CNBD1: variants seen among roughly 807,000 people sequenced by gnomAD.
CNBD1 encodes cyclic nucleotide-binding domain-containing protein 1.
CNBD1 carries 71 observed loss-of-function variants against 54.4 expected under a neutral mutation model. That is an observed-to-expected ratio of 1.30 (90% confidence interval 1.08 to 1.59). CNBD1 has a LOEUF of 1.59. CNBD1 is among the 40% of genes most tolerant of loss of function. The pLI, the probability that CNBD1 is intolerant of heterozygous loss-of-function variation, is 0.00. For synonymous variants in CNBD1, 182 were observed against 170.7 expected, an observed-to-expected ratio of 1.07 and a Z score of -0.51; for missense variants, 659 against 518.0, an observed-to-expected ratio of 1.27 and a Z score of -2.64.
chr8:87,237,698 T>C (rs966089561), intron 6 of CNBD1, among the ~76,000 whole-genome samples: 1 of 152,120 alleles, frequency 6.6e-6, no homozygotes. Context: ...TTGTGGCTGA[T>C]AGTCAGTTCT....
At chr8:86,904,134 G>A (rs947423267) in intron 2 of CNBD1, among the ~76,000 whole-genome samples, 2 of 151,956 alleles carry the variant, frequency 1.3e-5, no homozygotes, top group African/African-American at 2.4e-5. Flanking sequence ...ATTTCAGAAT[G>A]TGTTGTTATT....
At chr8:87,306,949 A>G (rs1490760063) in intron 8 of CNBD1, among the ~76,000 whole-genome samples, 1 of 152,188 alleles carries the variant, frequency 6.6e-6, no homozygotes, top group Non-Finnish European at 1.5e-5. Flanking sequence ...ATATGGGGGA[A>G]CAGAAAAAAA....
At chr8:87,388,964 G>A (rs1055982641) in intron 2 of CNBD1, among the ~76,000 whole-genome samples, 2 of 152,034 alleles carry the variant, frequency 1.3e-5, no homozygotes, top group Non-Finnish European at 2.9e-5. Flanking sequence ...ATCAATAATT[G>A]TAATCCAGCA....
chr8:87,060,007 A>G (rs1416472119), intron 4 of CNBD1, among the ~76,000 whole-genome samples: 3 of 152,224 alleles, frequency 2.0e-5, no homozygotes, highest in Non-Finnish European at 4.4e-5. Flanking sequence ...GGGACACAGC[A>G]TCTGGACCCT....
chr8:87,265,397 A>G lies in CNBD1; in HGVS notation c.772-19281A>G, dbSNP rs148563415. On this transcript the variant is annotated intron_variant, in intron 6 of 10. Coordinates refer to ENST00000518476, the MANE Select transcript of CNBD1 (RefSeq NM_173538.3). The stretch of plus-strand genomic sequence containing the variant: ...GTACCAGTACCATGCTGTTTTGGTT[A>G]CTGTAGCCTTGTAGTGTAGTTTGAA... Among the ~76,000 whole-genome samples, 477 of 152,226 alleles carry G rather than the reference A, an allele frequency of 3.1e-3. 2 individuals are homozygous for G. Among genetic ancestry groups the G allele is most frequent in the African/African-American group, 0.011 (445 of 41,520 alleles).
chr8:87,347,689 A>G (rs1417827192), intron 8 of CNBD1, among the ~76,000 whole-genome samples: 1 of 152,140 alleles, frequency 6.6e-6, no homozygotes, highest in Non-Finnish European at 1.5e-5. Flanking sequence ...TTAATTGGTT[A>G]TTGGGCTGGA....
At chr8:87,253,674 G>A (rs942684254) in intron 6 of CNBD1, among the ~76,000 whole-genome samples, 3 of 152,122 alleles carry the variant, frequency 2.0e-5, no homozygotes, top group African/African-American at 4.8e-5. Flanking sequence ...TATTGTGGCC[G>A]AAATAGATAG....
chr8:87,012,932 C>G (rs781381388), intron 4 of CNBD1, among the ~76,000 whole-genome samples: 2 of 152,208 alleles, frequency 1.3e-5, no homozygotes, highest in African/African-American at 2.4e-5. Context: ...CACATGTTCT[C>G]AGGACCTCCT....
intron 8 of CNBD1, among the ~76,000 whole-genome samples, chr8:87,324,588 C>A: frequency 6.9e-6 from 1 of 145,128 alleles, no homozygotes; most frequent in East Asian, 2.0e-4. Context: ...AGTTTATTTG[C>A]GTAGAGGTGT....
rs562795022 is a variant in CNBD1, at chr8:86,963,735, C to T, written c.431+23981C>T. Among the ~76,000 whole-genome samples the T allele has an allele frequency of 9.5e-4, 144 of 152,230 alleles. 1 individual carries two copies. The highest frequency in any genetic ancestry group is 3.3e-3 in the African/African-American group (137 of 41,554). ...TAGGTTGGAGAAGAGAACTGAAAGG[C>T]CTGCTCAAGTCCAGGAGGAGGTCCA... On this transcript the variant is annotated intron_variant, in intron 4 of 10. Coordinates refer to ENST00000518476, the MANE Select transcript of CNBD1 (RefSeq NM_173538.3).
intron 4 of CNBD1, among the ~76,000 whole-genome samples, chr8:87,090,222 T>C (rs1330098012): frequency 6.6e-6 from 1 of 152,168 alleles, no homozygotes; most frequent in African/African-American, 2.4e-5. Flanking sequence ...TGCAGGACAA[T>C]ACACGTTTTA....
At chr8:87,122,591 G>A (rs575528618) in intron 4 of CNBD1, among the ~76,000 whole-genome samples, 77 of 151,752 alleles carry the variant, frequency 5.1e-4, no homozygotes, top group Middle Eastern at 6.8e-3. Context: ...TTTAGGAGTC[G>A]TAGCCAAAAA....
intron 9 of CNBD1, among the ~76,000 whole-genome samples, chr8:87,353,432 C>G (rs902302764): frequency 6.6e-6 from 1 of 152,056 alleles, no homozygotes; most frequent in African/African-American, 2.4e-5. Flanking sequence ...TTAGATATGC[C>G]TAAGTTATCT....
chr8:87,390,223 G>A, intron 2 of CNBD1, among the ~76,000 whole-genome samples: 1 of 152,104 alleles, frequency 6.6e-6, no homozygotes, highest in Non-Finnish European at 1.5e-5. Flanking sequence ...AAAAGTAATG[G>A]CAACAAAAGC....
intron 4 of CNBD1, among the ~76,000 whole-genome samples, chr8:86,977,168 A>G (rs1246778190): frequency 6.6e-6 from 1 of 152,014 alleles, no homozygotes; most frequent in African/African-American, 2.4e-5. Flanking sequence ...CTTGTCACCT[A>G]TGGCCTTTAT....
At chr8:87,087,767 T>C (rs2130675146) in intron 4 of CNBD1, among the ~76,000 whole-genome samples, 1 of 152,222 alleles carries the variant, frequency 6.6e-6, no homozygotes, top group African/African-American at 2.4e-5. Context: ...TGCCCAGCCA[T>C]GAAGTACATT....
intron 4 of CNBD1, among the ~76,000 whole-genome samples, chr8:87,028,863 A>G (rs187101325): frequency 3.7e-4 from 56 of 152,348 alleles, no homozygotes; most frequent in Non-Finnish European, 6.9e-4. Context: ...GTTTATATAC[A>G]AAAACCATTG....
intron 8 of CNBD1, among the ~76,000 whole-genome samples, chr8:87,323,440 T>C (rs1209247034): frequency 7.4e-6 from 1 of 134,962 alleles, no homozygotes; most frequent in Non-Finnish European, 1.6e-5. Context: ...CCCATGAGCA[T>C]GGAATGTTCT....
chr8:86,904,416 A>G lies in CNBD1; in HGVS notation c.159-665A>G, dbSNP rs74457964. Among the ~76,000 whole-genome samples the G allele has an allele frequency of 2.5e-4, 38 of 152,180 alleles. No individual in the cohort carries two copies. In the East Asian group the frequency reaches 5.6e-3, roughly 22 times the overall value. Reference sequence around the variant, plus strand: ...TTACCTAACATTTAATGACAATGCTATTCTCTGAATCTTGCTTATTGGCAT... The same window carrying G: ...TTACCTAACATTTAATGACAATGCTGTTCTCTGAATCTTGCTTATTGGCAT... On this transcript the variant is annotated intron_variant, in intron 2 of 10. Transcript: ENST00000518476.
Sources: allele counts gnomAD v4.1 joint callset (sites outside exome capture counted in the v4.1 genomes callset), GRCh38; gene constraint gnomAD v4.1.1; transcripts MANE v1.5; gene names NCBI Gene and HGNC (gene_info 2026-07-23, HGNC 2026-07-21).